The following VIT variants were observed in gnomAD, a reference collection of about 807,000 sequenced individuals.
VIT encodes the protein vitrin.
A neutral mutation model predicts 78.0 loss-of-function variants in VIT; 99 were observed. The observed-to-expected ratio is 1.27, with a 90% confidence interval of 1.08 to 1.50. The LOEUF is 1.50. Ranked by LOEUF, VIT falls within the 40% of genes most tolerant of loss-of-function variation. The pLI, the probability that VIT is intolerant of heterozygous loss-of-function variation, is 0.00. For missense variants in VIT, 1,126 were observed against 875.3 expected, an observed-to-expected ratio of 1.29 and a Z score of -3.61; for synonymous variants, 374 against 334.3, an observed-to-expected ratio of 1.12 and a Z score of -1.29.
rs376079285 is a variant in VIT, at chr2:36,728,235, T to C, written c.53-1191T>C. 2.8e-4 allele frequency among the ~76,000 whole-genome samples: 42 copies of C among 152,256 alleles called. No individual in the cohort carries two copies. In the South Asian group the frequency reaches 8.5e-3, roughly 31 times the overall value. On this transcript the variant is annotated intron_variant, in intron 2 of 15. Coordinates refer to ENST00000379242, the MANE Select transcript of VIT (RefSeq NM_053276.4). ...CGTGAGCCACCACGTCCAGCCTGTA[T>C]TTTCTATCCTATATTTTTATCATTA...
intron 12 of VIT, among the ~76,000 whole-genome samples, chr2:36,796,296 GA>G (rs1168592609): frequency 6.6e-6 from 1 of 152,144 alleles, no homozygotes; most frequent in Non-Finnish European, 1.5e-5. Flanking sequence ...TGTCTTCAAA[GA>G]AAAACACATG....
At chr2:36,759,181 G>C in intron 6 of VIT, 135 bp downstream of exon 6, 2 of 1,583,504 alleles carry the variant, frequency 1.3e-6, no homozygotes, top group East Asian at 4.6e-5. Context: ...ACAGATGCCA[G>C]GAACATGGGC....
At chr2:36,773,042 C>G (rs972122) in intron 7 of VIT, among the ~76,000 whole-genome samples, 144,636 of 152,318 alleles carry the variant, frequency 0.95, 69,113 homozygotes, top group East Asian at 1. Context: ...GAGTAATTAA[C>G]GATAACCCAT....
chr2:36,735,957 T>C (rs1384820483), intron 3 of VIT, among the ~76,000 whole-genome samples: 1 of 152,202 alleles, frequency 6.6e-6, no homozygotes, highest in Non-Finnish European at 1.5e-5. Context: ...AAAAATGCAA[T>C]GGGAAGAAAC....
chr2:36,788,303 G>A (rs570168570), intron 12 of VIT, among the ~76,000 whole-genome samples: 5 of 152,092 alleles, frequency 3.3e-5, no homozygotes, highest in African/African-American at 1.2e-4. Flanking sequence ...GCCTTCAGAG[G>A]TTTTATTTTA....
rs142183156 is a variant in VIT, at chr2:36,776,885, C to G, written c.802+1818C>G. ...AGGGCAGATCACGAGGTCAGGAGAT[C>G]GAGACCATCCCGGCTAACACGGTGA... On this transcript the variant is annotated intron_variant, in intron 9 of 15. Transcript: ENST00000379242. 5.3e-3 allele frequency among the ~76,000 whole-genome samples: 795 copies of G among 151,384 alleles called. 4 individuals are homozygous for G. Among genetic ancestry groups the G allele is most frequent in the Middle Eastern group, 0.01 (3 of 292 alleles).
At chr2:36,761,631 T>G (rs866109282) in intron 6 of VIT, among the ~76,000 whole-genome samples, 7 of 151,974 alleles carry the variant, frequency 4.6e-5, no homozygotes, top group African/African-American at 1.5e-4. Flanking sequence ...TCCCAGCTAC[T>G]CGGGAGGCTG....
intron 1 of VIT, among the ~76,000 whole-genome samples, chr2:36,699,662 A>ATAGATAGG (rs1664922205): frequency 5.3e-5 from 8 of 151,996 alleles, no homozygotes; most frequent in Non-Finnish European, 1.0e-4. Flanking sequence ...AGATAGATAG[A>ATAGATAGG]TAGATATGCA....
At chr2:36,762,643 G>C (rs964648377) in intron 6 of VIT, among the ~76,000 whole-genome samples, 2 of 152,256 alleles carry the variant, frequency 1.3e-5, no homozygotes, top group Admixed American at 6.5e-5. Context: ...TTAAACCATA[G>C]AATTCCTTTA....
At chr2:36,721,242 T>C (rs1481398043) in intron 2 of VIT, among the ~76,000 whole-genome samples, 1 of 152,148 alleles carries the variant, frequency 6.6e-6, no homozygotes, top group East Asian at 1.9e-4. Flanking sequence ...TATCAAAACA[T>C]CATAAATATA....
chr2:36,744,721 T>C (rs1436341427), intron 4 of VIT, among the ~76,000 whole-genome samples: 1 of 152,196 alleles, frequency 6.6e-6, no homozygotes, highest in Admixed American at 6.5e-5. Flanking sequence ...TATTAGACCT[T>C]TGTTGGATGC....
In VIT at chr2:36,741,924, C is replaced by G. The variant is rs149640706; in HGVS notation, c.119-1176C>G. Among the ~76,000 whole-genome samples, 331 of 152,286 alleles carry G rather than the reference C, an allele frequency of 2.2e-3. 1 individual carries two copies. Among genetic ancestry groups the G allele is most frequent in the Non-Finnish European group, 3.5e-3 (241 of 68,012 alleles). On this transcript the variant is annotated intron_variant, in intron 3 of 15. Transcript: ENST00000379242. The stretch of plus-strand genomic sequence containing the variant: ...AGTTCTAGCTCACCCTCTGGCATCA[C>G]AGCACACAACAATCCTACTTGTGAA...
In VIT at chr2:36,805,407, A is replaced by C. The variant is rs564479882; in HGVS notation, c.1163-31A>C. 514 of 1,548,898 alleles carry C rather than the reference A, an allele frequency of 3.3e-4. 4 individuals are homozygous for C. The South Asian group carries it at 6.1e-3, about 18-fold the overall frequency. ...TCCTGTATTTATAATCAGCGTGATC[A>C]CTCCAAGCATGAATTTTCTTTTTCT... On this transcript the variant is annotated intron_variant, in intron 13 of 15. Transcript: ENST00000379242.
intron 3 of VIT, among the ~76,000 whole-genome samples, chr2:36,740,022 T>C (rs897445864): frequency 6.6e-6 from 1 of 152,276 alleles, no homozygotes; most frequent in Admixed American, 6.5e-5. Flanking sequence ...CTGACTGTTC[T>C]GGCATTTGCC....
intron 7 of VIT, among the ~76,000 whole-genome samples, chr2:36,770,018 T>A (rs1439304773): frequency 6.6e-6 from 1 of 152,262 alleles, no homozygotes; most frequent in East Asian, 1.9e-4. Flanking sequence ...TATACTGTGA[T>A]AGACAAGTGA....
intron 4 of VIT, among the ~76,000 whole-genome samples, chr2:36,744,989 T>C (rs1572460464): frequency 6.6e-6 from 1 of 152,178 alleles, no homozygotes; most frequent in African/African-American, 2.4e-5. Flanking sequence ...AGTTAATTTT[T>C]GTATATGTTG....
intron 7 of VIT, 53 bp from the exon 8 acceptor site, chr2:36,773,738 T>G (rs3770783): frequency 7.2e-7 from 1 of 1,387,094 alleles, no homozygotes; most frequent in African/African-American, 1.5e-5. Flanking sequence ...ATAAATAAAT[T>G]AATTAATTAA....
At chr2:36,702,278 G>A (rs189630014) in intron 1 of VIT, among the ~76,000 whole-genome samples, 1,774 of 152,240 alleles carry the variant, frequency 0.012, 16 homozygotes, top group Non-Finnish European at 0.016. Flanking sequence ...CTTTGGACAA[G>A]CAGACACAGA....
At chr2:36,778,038 TATG>T (rs150204234) in intron 9 of VIT, among the ~76,000 whole-genome samples, 1,726 of 152,318 alleles carry the variant, frequency 0.011, 35 homozygotes, top group African/African-American at 0.039. Flanking sequence ...TCTCTCCCAC[TATG>T]CCTTCAGCCA....
Sources: gnomAD v4.1 joint callset for allele counts (sites outside exome capture counted in the v4.1 genomes callset) on GRCh38, gnomAD v4.1.1 for gene constraint, MANE v1.5 for transcripts, NCBI Gene and HGNC (gene_info 2026-07-23, HGNC 2026-07-21) for gene names.